AFG2B: variants seen among roughly 807,000 people sequenced by gnomAD.
AFG2B encodes AAA ATPase AFG2B.
At chr15:45,403,981 A>C in the AFG2B span, among the ~76,000 whole-genome samples, 8 of 152,220 alleles carry the variant, frequency 5.3e-5, no homozygotes, top group Non-Finnish European at 1.0e-4. Context: ...GGAAGCAGGC[A>C]TTAACTCTTC....
At chr15:45,403,423 G>A in the AFG2B span, 4 of 1,609,384 alleles carry the variant, frequency 2.5e-6, no homozygotes, top group African/African-American at 4.0e-5. Flanking sequence ...GCTGGACGGC[G>A]CCAGTGGGGA....
the AFG2B span, chr15:45,402,415 G>A: frequency 6.3e-7 from 1 of 1,591,950 alleles, no homozygotes; most frequent in African/African-American, 1.4e-5. Flanking sequence ...CGTCTGCCTG[G>A]TTCATCTGTG....
chr15:45,418,845 G>A, the AFG2B span, among the ~76,000 whole-genome samples: 6 of 152,192 alleles, frequency 3.9e-5, no homozygotes. Context: ...GTGTGGGGTG[G>A]TGAGGAGGGT....
At chr15:45,414,329 G>A in the AFG2B span, among the ~76,000 whole-genome samples, 6 of 152,318 alleles carry the variant, frequency 3.9e-5, no homozygotes, top group African/African-American at 1.4e-4. Flanking sequence ...CTTGTCAGCT[G>A]TGGCGAGTAA....
At chr15:45,421,251 T>C in the AFG2B span, 12 of 1,425,882 alleles carry the variant, frequency 8.4e-6, no homozygotes, top group African/African-American at 1.8e-4. Flanking sequence ...TTAATTGAAA[T>C]GTGAACTTGC....
chr15:45,402,917 T>G, the AFG2B span: 7 of 1,597,978 alleles, frequency 4.4e-6, no homozygotes, highest in Admixed American at 1.7e-5. Flanking sequence ...GTGGCTGCCT[T>G]GCACATCGTC....
chr15:45,408,222 ATAAT>A, the AFG2B span, among the ~76,000 whole-genome samples: 1 of 152,326 alleles, frequency 6.6e-6, no homozygotes, highest in Non-Finnish European at 1.5e-5. Flanking sequence ...TTATTTTGAA[ATAAT>A]TAAAACTTAT....
the AFG2B span, chr15:45,414,918 T>C: frequency 4.2e-6 from 3 of 709,688 alleles, no homozygotes; most frequent in African/African-American, 1.8e-5. Context: ...TTAGAAAATA[T>C]AGGAAAGTGT....
the AFG2B span, chr15:45,402,798 C>T: frequency 1.9e-6 from 3 of 1,593,410 alleles, no homozygotes; most frequent in African/African-American, 1.3e-5. Flanking sequence ...CAGGCGCGCC[C>T]GGTGCCCGGA....
the AFG2B span, chr15:45,402,810 T>TA: frequency 1.4e-5 from 23 of 1,596,240 alleles, no homozygotes; most frequent in Non-Finnish European, 2.0e-5. Flanking sequence ...GTGCCCGGAA[T>TA]ACAGCCGCGG....
chr15:45,403,487 C>G, the AFG2B span: 1 of 1,605,944 alleles, frequency 6.2e-7, no homozygotes, highest in Non-Finnish European at 8.5e-7. Context: ...CTAGACCCAG[C>G]GCTGCGTAGG....
the AFG2B span, chr15:45,402,778 C>T: frequency 1.6e-5 from 25 of 1,587,366 alleles, no homozygotes; most frequent in South Asian, 2.7e-4. Flanking sequence ...GCCGGTGTTG[C>T]GAGAGCGGGC....
the AFG2B span, chr15:45,415,659 C>T: frequency 2.7e-5 from 43 of 1,613,984 alleles, no homozygotes; most frequent in Non-Finnish European, 3.4e-5. Flanking sequence ...CTTGGGAGCT[C>T]GCTCAGCCAG....
the AFG2B span, chr15:45,417,800 G>A: frequency 6.4e-6 from 1 of 157,098 alleles, no homozygotes; most frequent in East Asian, 1.9e-4. Flanking sequence ...GTAAAGTACG[G>A]TGCAGAAATC....
chr15:45,410,326 A>G, the AFG2B span: 4 of 1,592,460 alleles, frequency 2.5e-6, no homozygotes, highest in East Asian at 6.7e-5. Context: ...AAAAAGACCA[A>G]CCTAATTTTT....
the AFG2B span, chr15:45,410,391 T>C: frequency 2.5e-6 from 4 of 1,613,592 alleles, no homozygotes; most frequent in Non-Finnish European, 3.4e-6. Flanking sequence ...AATCCTGTGA[T>C]TGATGAAATA....
At chr15:45,415,819 A>T in the AFG2B span, 1 of 1,591,808 alleles carries the variant, frequency 6.3e-7, no homozygotes, top group Non-Finnish European at 8.6e-7. Flanking sequence ...GGTATTTATT[A>T]GCCAGAATGC....
the AFG2B span, among the ~76,000 whole-genome samples, chr15:45,410,168 T>C: frequency 6.6e-6 from 1 of 152,206 alleles, no homozygotes; most frequent in Admixed American, 6.5e-5. Flanking sequence ...ATACACAAAC[T>C]CTTGACATCT....
the AFG2B span, chr15:45,403,566 C>T: frequency 1.1e-5 from 18 of 1,578,048 alleles, no homozygotes; most frequent in Middle Eastern, 1.7e-4. Context: ...ACCTCGGCCG[C>T]TTCTGGCGCC....
Sources: allele counts gnomAD v4.1 joint callset (sites outside exome capture counted in the v4.1 genomes callset), GRCh38; gene constraint gnomAD v4.1.1; transcripts MANE v1.5; gene names NCBI Gene and HGNC (gene_info 2026-07-23, HGNC 2026-07-21).